LAT2: variants seen among roughly 807,000 people sequenced by gnomAD.
LAT2 encodes the protein linker for activation of T cells family member 2, also known as linker for activation of T-cells family member 2.
Under a neutral mutation model 43.4 loss-of-function variants are expected in LAT2, and 23 were observed. That is an observed-to-expected ratio of 0.53 (90% CI 0.38 to 0.75). LAT2 has a LOEUF of 0.75. Ranked by LOEUF, LAT2 falls within the 30% of genes least tolerant of loss-of-function variation. The pLI is 0.00. For synonymous variants in LAT2, 128 were observed against 123.2 expected (o/e 1.04, Z -0.26); for missense variants, 284 against 310.2 (o/e 0.92, Z 0.64).
At chr7:74,224,618 T>C (rs371880953) in intron 12 of LAT2, 21 bp from the exon 13 acceptor site, 1 of 1,566,660 alleles carries the variant, frequency 6.4e-7, no homozygotes, top group Non-Finnish European at 8.7e-7. Flanking sequence ...CTCGATGACC[T>C]GTCTGCCCGC....
chr7:74,211,528 G>T (rs1267676032), intron 1 of LAT2, among the ~76,000 whole-genome samples: 1 of 151,886 alleles, frequency 6.6e-6, no homozygotes. Flanking sequence ...TGCAATCTTG[G>T]CTCACTGCAA....
Position 74,224,742 on chromosome 7 carries a change from G to C in LAT2, c.732G>C (p.Ter244TyrextTer34), listed in dbSNP as rs376172171. ...GGGAGGTGGCAGCCACAGAAGCCTA[G>C]GGCAGACCAAGAAGAAAGGTACAGC... ...VNGEVAATEA[*>Y] The change falls in exon 13 of 14, where the codon TAG (stop) becomes TAC (tyrosine). Residue 244 changes from the stop codon to tyrosine (Y), a stop_lost. Coordinates refer to ENST00000460943, the MANE Select transcript of LAT2 (RefSeq NM_032464.3). The C allele has an allele frequency of 6.3e-7, 1 of 1,586,872 alleles. No homozygotes were observed. The highest frequency in any genetic ancestry group is 8.6e-7 in the Non-Finnish European group (1 of 1,166,184).
chr7:74,228,247 C>T (rs1274256605), intron 13 of LAT2, among the ~76,000 whole-genome samples: 7 of 128,884 alleles, frequency 5.4e-5, no homozygotes, highest in East Asian at 2.6e-4. Context: ...GAGGCTGAGG[C>T]GGGCGGATCA....
intron 13 of LAT2, chr7:74,225,877 G>C (rs574602622): frequency 6.6e-6 from 1 of 152,342 alleles, no homozygotes; most frequent in South Asian, 2.1e-4. Flanking sequence ...AGAGCCCCAC[G>C]TCATTCATTC....
chr7:74,224,844 C>A, intron 13 of LAT2, 84 bp downstream of exon 13: 1 of 1,050,270 alleles, frequency 9.5e-7, no homozygotes, highest in South Asian at 1.6e-5. Flanking sequence ...AGGGAACAGC[C>A]GAGAGTGTGG....
rs375192826 is a variant in LAT2 at position 74,215,983 on chromosome 7, C to T, written c.8C>T (p.Ser3Leu). 4 of 1,613,894 alleles carry T rather than the reference C, an allele frequency of 2.5e-6. No homozygotes were observed. The highest frequency in any genetic ancestry group is 3.4e-6 in the Non-Finnish European group (4 of 1,179,998). Residue 3 changes from serine to leucine, a missense_variant, in exon 3 of 14, where the codon TCG (serine) becomes TTG (leucine). Coordinates refer to ENST00000460943, the MANE Select transcript of LAT2 (RefSeq NM_032464.3). MS[S>L]GTELLWPGAA... ...GCAACACCAGGAGCCAACATGAGCT[C>T]GGGGACTGAACTGCTGTGGCCCGGA... is the stretch of plus-strand genomic sequence containing the variant.
intron 13 of LAT2, 57 bp from the exon 14 acceptor site, chr7:74,228,886 AG>A (rs1802591970): frequency 6.6e-6 from 1 of 152,212 alleles, no homozygotes; most frequent in African/African-American, 2.4e-5. Flanking sequence ...TATGGTTCTC[AG>A]GAACAAAATA....
intron 13 of LAT2, 186 bp downstream of exon 13, chr7:74,224,946 C>T (rs1554715909): frequency 1.3e-5 from 6 of 476,278 alleles, no homozygotes; most frequent in Non-Finnish European, 2.3e-5. Context: ...TGGCCAGGGG[C>T]GTCAGGCAGG....
intron 2 of LAT2, among the ~76,000 whole-genome samples, chr7:74,215,632 G>A (rs1228429990): frequency 6.6e-6 from 1 of 152,158 alleles, no homozygotes; most frequent in Admixed American, 6.5e-5. Context: ...AGTGAACCTC[G>A]TCCTCAAAGG....
intron 13 of LAT2, among the ~76,000 whole-genome samples, chr7:74,228,689 T>G (rs1554716457): frequency 6.8e-6 from 1 of 148,136 alleles, no homozygotes; most frequent in Non-Finnish European, 1.5e-5. Context: ...CTTGGGAGGC[T>G]GAGGCAGGAG....
At position 74,224,753 on chromosome 7, in the gene LAT2, G is replaced by GAAGA; in HGVS notation, c.*15_*18dup. 1 of 1,570,732 alleles carries GAAGA rather than the reference G, an allele frequency of 6.4e-7. No homozygotes were observed. The highest frequency in any genetic ancestry group is 1.2e-5 in the South Asian group (1 of 85,088). Reference sequence around the variant, plus strand: ...GCCACAGAAGCCTAGGGCAGACCAAGAAGAAAGGTACAGCCCCTGCTCTCC... The same window carrying GAAGA: ...GCCACAGAAGCCTAGGGCAGACCAAGAAGAAAGAAAGGTACAGCCCCTGCTCTCC... On this transcript the variant is annotated 3_prime_UTR_variant, in exon 13 of 14. Transcript: ENST00000460943.
chr7:74,218,911 T>C (rs1230332236), intron 4 of LAT2, among the ~76,000 whole-genome samples: 1 of 150,432 alleles, frequency 6.6e-6, no homozygotes, highest in Non-Finnish European at 1.5e-5. Flanking sequence ...TTGGTCAGGC[T>C]GGTCTTGAAC....
At chr7:74,213,416 C>CTTTTAA (rs1801800464) in intron 1 of LAT2, among the ~76,000 whole-genome samples, 1 of 147,848 alleles carries the variant, frequency 6.8e-6, no homozygotes, top group Non-Finnish European at 1.5e-5. Context: ...CCACTGTGCC[C>CTTTTAA]GGCCATTTTT....
At chr7:74,227,694 G>C (rs1275108213) in intron 13 of LAT2, among the ~76,000 whole-genome samples, 1 of 152,174 alleles carries the variant, frequency 6.6e-6, no homozygotes, top group Non-Finnish European at 1.5e-5. Flanking sequence ...GCAACATGGT[G>C]AAACGCTGTC....
chr7:74,228,742 T>G (rs1802587196), intron 13 of LAT2, among the ~76,000 whole-genome samples: 1 of 150,230 alleles, frequency 6.7e-6, no homozygotes, highest in African/African-American at 2.5e-5. Context: ...TGAGCCGAGA[T>G]CGCGCCACCG....
chr7:74,220,065 G>A lies in LAT2; in HGVS notation c.227+57G>A. ...ATGAAAGTCCTGGAGGTCCTCACCT[G>A]GTGAGCCCAGGTCAAGACCTCCCTC... On this transcript the variant is annotated intron_variant, in intron 6 of 13. Coordinates refer to ENST00000460943, the MANE Select transcript of LAT2 (RefSeq NM_032464.3). The surrounding 1 kb of genome is among the most constrained non-coding windows in gnomAD (Gnocchi z 4.5). The A allele has an allele frequency of 1.9e-6, 3 of 1,596,862 alleles. No homozygotes were observed. Among genetic ancestry groups the A allele is most frequent in the Non-Finnish European group, 2.6e-6 (3 of 1,169,224 alleles).
intron 13 of LAT2, among the ~76,000 whole-genome samples, chr7:74,228,565 C>T (rs1802579914): frequency 6.7e-6 from 1 of 148,806 alleles, no homozygotes; most frequent in South Asian, 2.1e-4. Flanking sequence ...GTGGGCGGAT[C>T]ACGAGGTCAG....
At chr7:74,222,426 AAG>A (rs1252129629) in intron 10 of LAT2, among the ~76,000 whole-genome samples, 9 of 151,024 alleles carry the variant, frequency 6.0e-5, no homozygotes, top group African/African-American at 2.2e-4. Context: ...CCCCCCAAAA[AAG>A]GGCAACTGAG....
At chr7:74,228,002 C>G (rs1802552069) in intron 13 of LAT2, among the ~76,000 whole-genome samples, 1 of 149,542 alleles carries the variant, frequency 6.7e-6, no homozygotes, top group Middle Eastern at 3.3e-3. Flanking sequence ...ATGGGGAAAC[C>G]CCATCTCTAC....
Sources: gnomAD v4.1 joint callset for allele counts (sites outside exome capture counted in the v4.1 genomes callset) on GRCh38, gnomAD v4.1.1 for gene constraint, Gnocchi (gnomAD v3.1) non-coding constraint, MANE v1.5 for transcripts, NCBI Gene and HGNC (gene_info 2026-07-23, HGNC 2026-07-21) for gene names.